LDLRAD4: variants seen among roughly 807,000 people sequenced by gnomAD.
The protein encoded by LDLRAD4 is low-density lipoprotein receptor class A domain-containing protein 4.
A neutral mutation model predicts 17.0 loss-of-function variants in LDLRAD4; 5 were observed. The observed-to-expected ratio is 0.29, with a 90% CI of 0.15 to 0.62. LDLRAD4 has a LOEUF of 0.62. Ranked by LOEUF, LDLRAD4 falls within the 20% of genes least tolerant of loss-of-function variation. LDLRAD4 has a pLI of 0.84. For missense variants in LDLRAD4, 340 were observed against 424.7 expected (o/e 0.80, Z 1.75); for synonymous variants, 168 against 171.8 (o/e 0.98, Z 0.17).
Position 13,571,066 on chromosome 18 carries a change from CGCCTCA to C in LDLRAD4, c.182-50045_182-50040del, listed in dbSNP as rs542685577. Reference sequence around the variant, plus strand: ...AACTCCTGGCCTCAAGCGATCCTCCCGCCTCAGCCTCCTGAAGTGCTGGGATTACAG... The same window carrying C: ...AACTCCTGGCCTCAAGCGATCCTCCCGCCTCCTGAAGTGCTGGGATTACAG... On this transcript the variant is annotated intron_variant, in intron 3 of 5. Coordinates refer to ENST00000359446, the Ensembl canonical transcript of LDLRAD4. Among the ~76,000 whole-genome samples, 657 of 152,232 alleles carry C rather than the reference CGCCTCA, an allele frequency of 4.3e-3. 1 individual carries two copies. The highest frequency in any genetic ancestry group is 7.1e-3 in the Non-Finnish European group (485 of 68,010).
intron 3 of LDLRAD4, among the ~76,000 whole-genome samples, chr18:13,528,958 C>T (rs540133215): frequency 1.3e-5 from 2 of 152,228 alleles, no homozygotes; most frequent in Non-Finnish European, 2.9e-5. Flanking sequence ...CTTTGGGTAG[C>T]GAGAGCTTAG....
intron 1 of LDLRAD4, among the ~76,000 whole-genome samples, chr18:13,376,959 C>G (rs1194818908): frequency 6.6e-6 from 1 of 152,202 alleles, no homozygotes; most frequent in African/African-American, 2.4e-5. Context: ...GGCAGCCTTC[C>G]CCTGGGTTCT....
chr18:13,573,894 C>T lies in LDLRAD4; in HGVS notation c.182-47223C>T, dbSNP rs116709013. On this transcript the variant is annotated intron_variant, in intron 3 of 5. Transcript: ENST00000359446. ...TAGAAGCCAGACATTCCGTGGGTGA[C>T]GCGCTCCTTCTCCTGTTCCCATCTC... Among the ~76,000 whole-genome samples, 474 of 152,300 alleles carry T rather than the reference C, an allele frequency of 3.1e-3. 2 individuals carry two copies. Among genetic ancestry groups the T allele is most frequent in the African/African-American group, 0.011 (458 of 41,568 alleles).
chr18:13,470,554 C>A (rs1031933408), intron 3 of LDLRAD4, among the ~76,000 whole-genome samples: 2 of 147,288 alleles, frequency 1.4e-5, no homozygotes, highest in African/African-American at 5.1e-5. Flanking sequence ...CACCCTGCCC[C>A]TGTCTGGCAT....
At chr18:13,439,245 T>C (rs550995914) in intron 3 of LDLRAD4, among the ~76,000 whole-genome samples, 1 of 152,330 alleles carries the variant, frequency 6.6e-6, no homozygotes, top group African/African-American at 2.4e-5. Context: ...GAAATTAGAC[T>C]ACATAAATAC....
chr18:13,355,225 G>A (rs1477841077), intron 1 of LDLRAD4, among the ~76,000 whole-genome samples: 1 of 152,176 alleles, frequency 6.6e-6, no homozygotes, highest in Non-Finnish European at 1.5e-5. Flanking sequence ...TTAAATCCAA[G>A]CTTGGAGTGA....
intron 3 of LDLRAD4, chr18:13,521,068 G>A (rs1204298705): frequency 6.6e-6 from 1 of 152,174 alleles, no homozygotes; most frequent in East Asian, 1.9e-4. Flanking sequence ...TGCTTAATGA[G>A]TCAGTCTCCC....
intron 1 of LDLRAD4, among the ~76,000 whole-genome samples, chr18:13,368,354 G>T (rs2084221450): frequency 6.6e-6 from 1 of 152,170 alleles, no homozygotes; most frequent in African/African-American, 2.4e-5. Flanking sequence ...TGTCTGAAGA[G>T]CAGGCGTGGG....
At chr18:13,525,531 T>C (rs896516752) in intron 3 of LDLRAD4, among the ~76,000 whole-genome samples, 1 of 152,256 alleles carries the variant, frequency 6.6e-6, no homozygotes, top group Non-Finnish European at 1.5e-5. Flanking sequence ...CTGACCAATG[T>C]CACTGGAAGT....
Position 13,427,889 on chromosome 18 carries a change from C to T in LDLRAD4, c.41-10355C>T, listed in dbSNP as rs187207526. Among the ~76,000 whole-genome samples, 770 of 148,560 alleles carry T rather than the reference C, an allele frequency of 5.2e-3. 7 individuals are homozygous for T. The highest frequency in any genetic ancestry group is 0.018 in the African/African-American group (721 of 40,918). On this transcript the variant is annotated intron_variant, in intron 2 of 5. Transcript: ENST00000359446. ...ATTTCTAGTGAGGATATTTACTCAG[C>T]TAGAGAAAATTTTCTTCACCCAAAG... is the stretch of plus-strand genomic sequence containing the variant.
chr18:13,468,766 T>C (rs1372861365), intron 3 of LDLRAD4, among the ~76,000 whole-genome samples: 2 of 146,012 alleles, frequency 1.4e-5, no homozygotes, highest in Non-Finnish European at 3.0e-5. Flanking sequence ...AACCAAACAC[T>C]GCATGTTCTC....
intron 1 of LDLRAD4, among the ~76,000 whole-genome samples, chr18:13,363,261 A>C (rs1357810255): frequency 6.9e-6 from 1 of 144,782 alleles, no homozygotes; most frequent in Non-Finnish European, 1.5e-5. Context: ...GAACCTGGGA[A>C]GTGGAGCTTG....
At chr18:13,373,155 A>ATGTGTGTGTGTGTG (rs35632499) in intron 1 of LDLRAD4, among the ~76,000 whole-genome samples, 2 of 149,560 alleles carry the variant, frequency 1.3e-5, no homozygotes, top group African/African-American at 4.9e-5. Context: ...CAACTGTTTA[A>ATGTGTGTGTGTGTG]TGTGTGTGTG....
intron 1 of LDLRAD4, among the ~76,000 whole-genome samples, chr18:13,312,436 C>T (rs1203257245): frequency 6.6e-6 from 1 of 152,142 alleles, no homozygotes; most frequent in East Asian, 1.9e-4. Context: ...TAAAGGACCA[C>T]AGGAAGGCAT....
At chr18:13,404,746 C>T (rs1245139935) in intron 2 of LDLRAD4, among the ~76,000 whole-genome samples, 6 of 150,962 alleles carry the variant, frequency 4.0e-5, no homozygotes, top group Non-Finnish European at 8.8e-5. Context: ...TGCAGTGAGC[C>T]GAGATCGTGC....
At chr18:13,518,038 C>CTTTCT (rs1177969676) in intron 3 of LDLRAD4, among the ~76,000 whole-genome samples, 16 of 152,266 alleles carry the variant, frequency 1.1e-4, no homozygotes, top group East Asian at 5.8e-4. Flanking sequence ...CCGGCCATGA[C>CTTTCT]TTTCTTTTCT....
intron 1 of LDLRAD4, among the ~76,000 whole-genome samples, chr18:13,283,234 T>C (rs1432171795): frequency 6.6e-6 from 1 of 152,252 alleles, no homozygotes; most frequent in African/African-American, 2.4e-5. Flanking sequence ...TTCTTGCTAT[T>C]TATGCACATT....
upstream of LDLRAD4, among the ~76,000 whole-genome samples, chr18:13,274,095 T>G (rs1473740868): frequency 1.3e-5 from 2 of 152,174 alleles, no homozygotes; most frequent in Non-Finnish European, 2.9e-5. Flanking sequence ...GCTTGCTGGC[T>G]CTCCTCGGTG....
At chr18:13,234,525 C>G (rs2042240687) in intron 1 of LDLRAD4, among the ~76,000 whole-genome samples, 1 of 149,736 alleles carries the variant, frequency 6.7e-6, no homozygotes, top group Non-Finnish European at 1.5e-5. Context: ...GGATGGTGGG[C>G]AGGTCCACAG....
Sources: allele counts gnomAD v4.1 joint callset (sites outside exome capture counted in the v4.1 genomes callset), GRCh38; gene constraint gnomAD v4.1.1; transcripts MANE v1.5; gene names NCBI Gene and HGNC (gene_info 2026-07-23, HGNC 2026-07-21).